Variants in BAZ2B observed in about 807,000 individuals in gnomAD.
BAZ2B encodes the protein bromodomain adjacent to zinc finger domain 2B.
A neutral mutation model predicts 246.0 loss-of-function variants in BAZ2B; 91 were observed. The observed-to-expected ratio is 0.37, with a 90% CI of 0.31 to 0.44. The LOEUF (loss-of-function observed/expected upper bound fraction) is 0.44. BAZ2B is among the 20% of genes least tolerant of loss of function. The pLI is 1.00. For missense variants in BAZ2B, 2,332 were observed against 2,533.7 expected (o/e 0.92, Z 1.71); for synonymous variants, 855 against 860.0 (o/e 0.99, Z 0.10).
chr2:159,678,548 C>T, the BAZ2B span, among the ~76,000 whole-genome samples: 1 of 152,070 alleles, frequency 6.6e-6, no homozygotes, highest in Non-Finnish European at 1.5e-5. Context: ...GCCTATAGTC[C>T]CAGCTACTAG....
At chr2:159,528,215 C>G (rs565718908) in intron 2 of BAZ2B, among the ~76,000 whole-genome samples, 1 of 152,146 alleles carries the variant, frequency 6.6e-6, no homozygotes, top group East Asian at 1.9e-4. Flanking sequence ...TGAACTTGGA[C>G]ACAGCAAGAC....
At chr2:159,701,439 A>G in the BAZ2B span, among the ~76,000 whole-genome samples, 1 of 151,716 alleles carries the variant, frequency 6.6e-6, no homozygotes, top group Non-Finnish European at 1.5e-5. Context: ...GATCTGTATC[A>G]TTCCTTTTTT....
At position 159,432,776 on chromosome 2, in the gene BAZ2B, TTCA is replaced by T. The variant is rs756417228; in HGVS notation, c.1878_1880del (p.Asp626del). The T allele has an allele frequency of 3.7e-6, 6 of 1,612,082 alleles. No homozygotes were observed. The South Asian group carries it at 5.5e-5, about 15-fold the overall frequency. On this transcript the variant is annotated inframe_deletion, in exon 9 of 37. Transcript: ENST00000392783. ...AATAACCTGATTGGCTGTCATCAGA[TTCA>T]TCATCTTCATCATCTTCCTCATCTT...
chr2:159,341,151 T>C (rs1045456507), intron 31 of BAZ2B, among the ~76,000 whole-genome samples: 3 of 151,970 alleles, frequency 2.0e-5, no homozygotes, highest in Non-Finnish European at 2.9e-5. Context: ...AAGACATATG[T>C]AGACTGAAAG....
chr2:159,448,483 T>C lies in BAZ2B; in HGVS notation c.335-74A>G, dbSNP rs75044415. The C allele has an allele frequency of 1.0e-4, 148 of 1,473,698 alleles. No homozygotes were observed. In the East Asian group the frequency reaches 3.4e-3, roughly 34 times the overall value. 91.3% of individuals were successfully genotyped at this position (1,473,698 alleles called of 1,614,324 possible). On this transcript the variant is annotated intron_variant, in intron 4 of 36. Transcript: ENST00000392783. ...CAGTTAACGTCACAATGGCTTTCTA[T>C]GTTTTATTTAAAAAAATTTCAAGTT...
chr2:159,409,072 T>A (rs1038122961), intron 14 of BAZ2B, among the ~76,000 whole-genome samples: 2 of 151,930 alleles, frequency 1.3e-5, no homozygotes, highest in African/African-American at 4.8e-5. Context: ...GGTGAATATA[T>A]TATAATTACC....
chr2:159,554,284 T>A (rs62171573), intron 2 of BAZ2B, among the ~76,000 whole-genome samples: 8,161 of 152,214 alleles, frequency 0.054, 377 homozygotes, highest in African/African-American at 0.12. Flanking sequence ...CATTTTTAAA[T>A]TTTAAAAAAG....
At chr2:159,564,866 C>T (rs1472824564) in intron 1 of BAZ2B, among the ~76,000 whole-genome samples, 1 of 152,050 alleles carries the variant, frequency 6.6e-6, no homozygotes, top group Non-Finnish European at 1.5e-5. Flanking sequence ...CTGGATTTAG[C>T]AAGATAAATT....
At chr2:159,324,191 T>C (rs1160956437) in intron 36 of BAZ2B, among the ~76,000 whole-genome samples, 1 of 152,100 alleles carries the variant, frequency 6.6e-6, no homozygotes, top group Non-Finnish European at 1.5e-5. Context: ...TGTATGAGTA[T>C]CAGGAAAGCC....
intron 2 of BAZ2B, among the ~76,000 whole-genome samples, chr2:159,549,007 C>T (rs1163992004): frequency 1.9e-4 from 29 of 152,130 alleles, no homozygotes; most frequent in Admixed American, 1.6e-3. Flanking sequence ...AGGCCGGGCG[C>T]GGTGGCTCAC....
intron 2 of BAZ2B, among the ~76,000 whole-genome samples, chr2:159,512,721 C>A (rs544703523): frequency 6.6e-6 from 1 of 152,204 alleles, no homozygotes; most frequent in Non-Finnish European, 1.5e-5. Flanking sequence ...ATTTTCTAAG[C>A]ACTTATTAAG....
At chr2:159,692,156 A>ATT in the BAZ2B span, among the ~76,000 whole-genome samples, 1 of 150,092 alleles carries the variant, frequency 6.7e-6, no homozygotes, top group Non-Finnish European at 1.5e-5. Context: ...CTTTTTCTTA[A>ATT]TTTTTTTTTT....
intron 9 of BAZ2B, 109 bp downstream of exon 9, chr2:159,432,648 T>C (rs892470063): frequency 2.1e-6 from 3 of 1,403,774 alleles, no homozygotes; most frequent in Non-Finnish European, 2.9e-6. Flanking sequence ...CAAAGTTGTG[T>C]GAAACATAGT....
At chr2:159,674,334 CAGA>C in the BAZ2B span, among the ~76,000 whole-genome samples, 2 of 25,086 alleles carry the variant, frequency 8.0e-5, no homozygotes, top group African/African-American at 2.9e-4. Flanking sequence ...GACTCTGTCT[CAGA>C]AAAAAAAAAA....
At chr2:159,639,027 G>A in the BAZ2B span, among the ~76,000 whole-genome samples, 69,380 of 151,840 alleles carry the variant, frequency 0.46, 16,700 homozygotes, top group Middle Eastern at 0.64. Flanking sequence ...AGCATACAAC[G>A]GAGCTCCAAT....
intron 2 of BAZ2B, among the ~76,000 whole-genome samples, chr2:159,489,013 C>G (rs2151005201): frequency 6.6e-6 from 1 of 152,252 alleles, no homozygotes; most frequent in South Asian, 2.1e-4. Context: ...TGTTACTGGC[C>G]TATTCACTAA....
the BAZ2B span, among the ~76,000 whole-genome samples, chr2:159,677,140 T>C: frequency 3.3e-5 from 5 of 151,122 alleles, no homozygotes; most frequent in Admixed American, 6.6e-5. Context: ...AACAAACACA[T>C]ATATTTGCTT....
chr2:159,574,469 T>C (rs1239904468), intron 1 of BAZ2B, among the ~76,000 whole-genome samples: 1 of 152,116 alleles, frequency 6.6e-6, no homozygotes, highest in Admixed American at 6.6e-5. Context: ...ATTTTGGCAG[T>C]TTCTCAATAA....
intron 31 of BAZ2B, 96 bp downstream of exon 31, chr2:159,347,390 A>C (rs1559042536): frequency 2.3e-6 from 3 of 1,326,092 alleles, no homozygotes; most frequent in Non-Finnish European, 3.2e-6. Context: ...CAAAATAAAA[A>C]CATTTAGCAC....
Sources: gnomAD v4.1 joint callset for allele counts (sites outside exome capture counted in the v4.1 genomes callset) on GRCh38, gnomAD v4.1.1 for gene constraint, MANE v1.5 for transcripts, NCBI Gene and HGNC (gene_info 2026-07-23, HGNC 2026-07-21) for gene names.